MYO5B: variants seen among roughly 807,000 people sequenced by gnomAD.
MYO5B encodes myosin VB.
In MYO5B, 143 loss-of-function variants were observed where a neutral mutation model predicts 229.3. That is an observed-to-expected ratio of 0.62 (90% CI 0.54 to 0.72). The LOEUF (loss-of-function observed/expected upper bound fraction) is 0.72. MYO5B is among the 30% of genes least tolerant of loss of function. The pLI is 0.00. For missense variants in MYO5B, 2,321 were observed against 2,331.0 expected, an observed-to-expected ratio of 1.00 and a Z score of 0.09; for synonymous variants, 918 against 885.2, an observed-to-expected ratio of 1.04 and a Z score of -0.66.
chr18:50,022,077 G>A (rs1215776803), intron 4 of MYO5B, among the ~76,000 whole-genome samples: 2 of 152,074 alleles, frequency 1.3e-5, no homozygotes, highest in Non-Finnish European at 2.9e-5. Flanking sequence ...CCCCAGGAGT[G>A]TCTCTTCCCT....
chr18:50,107,740 G>T (rs901396892), intron 1 of MYO5B, among the ~76,000 whole-genome samples: 1 of 152,126 alleles, frequency 6.6e-6, no homozygotes, highest in Non-Finnish European at 1.5e-5. Context: ...CTGCTTTGTT[G>T]TATGTGTTTT....
At chr18:50,061,718 A>G (rs2030691403) in intron 1 of MYO5B, among the ~76,000 whole-genome samples, 1 of 152,258 alleles carries the variant, frequency 6.6e-6, no homozygotes, top group East Asian at 1.9e-4. Context: ...TTTTTAAAAA[A>G]CTTCCCAAGT....
chr18:49,827,486 G>C (rs938757886), intron 39 of MYO5B, among the ~76,000 whole-genome samples: 1 of 152,282 alleles, frequency 6.6e-6, no homozygotes, highest in African/African-American at 2.4e-5. Context: ...GCCCCTCCCT[G>C]CTTCCTATTT....
intron 1 of MYO5B, among the ~76,000 whole-genome samples, chr18:50,109,778 C>T (rs540609035): frequency 6.6e-6 from 1 of 152,284 alleles, no homozygotes; most frequent in South Asian, 2.1e-4. Flanking sequence ...CACCCTCATC[C>T]GGCCAACGGC....
chr18:49,871,841 T>C (rs1480304135), intron 27 of MYO5B, among the ~76,000 whole-genome samples: 1 of 152,258 alleles, frequency 6.6e-6, no homozygotes, highest in South Asian at 2.1e-4. Context: ...TCTCCCTGCA[T>C]GCCAGCAGAG....
rs146840218 is a variant in MYO5B at position 49,934,334 on chromosome 18, A to G, written c.2003+1918T>C. 2.0e-5 allele frequency among the ~76,000 whole-genome samples: 3 copies of G among 152,352 alleles called. No individual in the cohort carries two copies. The East Asian group carries it at 5.8e-4, about 29-fold the overall frequency. On this transcript the variant is annotated intron_variant, in intron 16 of 39. Coordinates refer to ENST00000285039, the MANE Select transcript of MYO5B (RefSeq NM_001080467.3). ...GAGCTCAAACTAGAATCCCGGTATCATGACATGGTCAGTATTCCTCCCACC... is the reference window on the plus strand; with the variant it reads ...GAGCTCAAACTAGAATCCCGGTATCGTGACATGGTCAGTATTCCTCCCACC...
rs79124236 is a variant in MYO5B at position 49,938,078 on chromosome 18, C to T, written c.1753-681G>A. On this transcript the variant is annotated intron_variant, in intron 14 of 39. Coordinates refer to ENST00000285039, the MANE Select transcript of MYO5B (RefSeq NM_001080467.3). ...CACTCAATCTTCACCTGCAAAGATG[C>T]GCAGAACTTCATTTCCTTGTGGTGT... is the stretch of plus-strand genomic sequence containing the variant. Among the ~76,000 whole-genome samples, 1,215 of 152,252 alleles carry T rather than the reference C, an allele frequency of 8.0e-3. 8 individuals carry two copies. Among genetic ancestry groups the T allele is most frequent in the African/African-American group, 0.027 (1,136 of 41,560 alleles).
At position 50,045,818 on chromosome 18, in the gene MYO5B, G is replaced by A. The variant is rs548386171; in HGVS notation, c.139-5504C>T. Among the ~76,000 whole-genome samples, 10 of 152,314 alleles carry A rather than the reference G, an allele frequency of 6.6e-5. 1 individual carries two copies. In the South Asian group the frequency reaches 1.2e-3, roughly 19 times the overall value. On this transcript the variant is annotated intron_variant, in intron 2 of 39. Coordinates refer to ENST00000285039, the MANE Select transcript of MYO5B (RefSeq NM_001080467.3). Reference sequence around the variant, plus strand: ...CCACAGCCAATGTTCTATTGGTAGCGCTGGCCTAGACTGTTCTAAGCCCTG... The same window carrying A: ...CCACAGCCAATGTTCTATTGGTAGCACTGGCCTAGACTGTTCTAAGCCCTG...
At chr18:50,149,009 C>G (rs1434032202) in intron 1 of MYO5B, among the ~76,000 whole-genome samples, 1 of 150,436 alleles carries the variant, frequency 6.6e-6, no homozygotes, top group Non-Finnish European at 1.5e-5. Context: ...AATCAATGTA[C>G]AAAAATCACA....
At chr18:50,004,854 T>A (rs555823833) in intron 4 of MYO5B, among the ~76,000 whole-genome samples, 39 of 152,244 alleles carry the variant, frequency 2.6e-4, no homozygotes, top group Non-Finnish European at 5.0e-4. Flanking sequence ...TCCCACTGTG[T>A]TCTGTGTACA....
chr18:50,144,920 G>A (rs1008089281), intron 1 of MYO5B, among the ~76,000 whole-genome samples: 5 of 152,280 alleles, frequency 3.3e-5, no homozygotes, highest in South Asian at 2.1e-4. Context: ...AGTTATGGCA[G>A]CAGGATTCAT....
At chr18:50,132,409 T>C (rs2032268257) in intron 1 of MYO5B, among the ~76,000 whole-genome samples, 1 of 152,220 alleles carries the variant, frequency 6.6e-6, no homozygotes, top group Non-Finnish European at 1.5e-5. Context: ...CTTCTGTCGT[T>C]GTAAAGATTG....
At position 49,836,697 on chromosome 18, in the gene MYO5B, C is replaced by G. The variant is rs192047248; in HGVS notation, c.5313+14G>C. On this transcript the variant is annotated intron_variant, in intron 38 of 39. Transcript: ENST00000285039. ...TTGGAATACCATGTTGACAGAGGTGCAAAGTGACTGTACCTGCTGGGTGCT... is the reference window on the plus strand; with the variant it reads ...TTGGAATACCATGTTGACAGAGGTGGAAAGTGACTGTACCTGCTGGGTGCT... 171 of 1,613,826 alleles carry G rather than the reference C, an allele frequency of 1.1e-4. No homozygotes were observed. In the African/African-American group the frequency reaches 2.0e-3, roughly 19 times the overall value.
chr18:49,882,528 C>T (rs1015081530), intron 22 of MYO5B, among the ~76,000 whole-genome samples: 15 of 143,314 alleles, frequency 1.0e-4, no homozygotes, highest in Non-Finnish European at 1.9e-4. Flanking sequence ...CTTGGGAGGC[C>T]GAAGCAGGTG....
chr18:50,134,450 G>C (rs376293505), intron 1 of MYO5B, among the ~76,000 whole-genome samples: 1 of 151,972 alleles, frequency 6.6e-6, no homozygotes, highest in East Asian at 1.9e-4. Flanking sequence ...AGCTACTCGG[G>C]AGGCTGAGGC....
At chr18:50,192,226 A>T (rs571142847) in intron 1 of MYO5B, among the ~76,000 whole-genome samples, 1 of 152,340 alleles carries the variant, frequency 6.6e-6, no homozygotes, top group South Asian at 2.1e-4. Context: ...CTTGATGGAT[A>T]CCAAAACTGC....
At chr18:49,944,697 A>T (rs2025351787) in intron 14 of MYO5B, among the ~76,000 whole-genome samples, 1 of 151,942 alleles carries the variant, frequency 6.6e-6, no homozygotes, top group Admixed American at 6.6e-5. Context: ...GCATTTTCTT[A>T]TACTTGAATC....
intron 4 of MYO5B, among the ~76,000 whole-genome samples, chr18:50,017,372 G>A (rs1410916175): frequency 1.3e-5 from 2 of 152,046 alleles, no homozygotes; most frequent in Admixed American, 6.6e-5. Flanking sequence ...TGATCCACCC[G>A]CCTTGGCCTC....
intron 1 of MYO5B, among the ~76,000 whole-genome samples, chr18:50,118,581 C>T (rs560373355): frequency 4.0e-5 from 6 of 151,376 alleles, no homozygotes; most frequent in South Asian, 4.2e-4. Flanking sequence ...ATGTGCACAA[C>T]GTGCAGGTTT....
Sources: allele counts gnomAD v4.1 joint callset (sites outside exome capture counted in the v4.1 genomes callset), GRCh38; gene constraint gnomAD v4.1.1; transcripts MANE v1.5; gene names NCBI Gene and HGNC (gene_info 2026-07-23, HGNC 2026-07-21).